Variants in NRG1 observed in about 807,000 individuals in gnomAD.
The protein encoded by NRG1 is neuregulin 1, also known as pro-neuregulin-1, membrane-bound isoform.
Under a neutral mutation model 63.8 loss-of-function variants are expected in NRG1, and 18 were observed. The ratio of observed to expected loss-of-function variants is 0.28; its 90% CI spans 0.19 to 0.42. NRG1 has a LOEUF of 0.42. NRG1 is among the 10% of genes least tolerant of loss of function. The probability of loss-of-function intolerance (pLI) is 1.00; values close to 1 mark genes in which losing one functional copy is unlikely to be tolerated. For missense variants in NRG1, 762 were observed against 814.7 expected, an observed-to-expected ratio of 0.94 and a Z score of 0.79; for synonymous variants, 302 against 301.3, an observed-to-expected ratio of 1.00 and a Z score of -0.02.
At chr8:31,780,482 T>C (rs1445427501) in intron 1 of NRG1, among the ~76,000 whole-genome samples, 1 of 152,210 alleles carries the variant, frequency 6.6e-6, no homozygotes, top group African/African-American at 2.4e-5. Context: ...CCTAGAATTA[T>C]TCACTGACAT....
intron 1 of NRG1, among the ~76,000 whole-genome samples, chr8:32,013,139 G>A (rs1333276533): frequency 6.6e-6 from 1 of 152,086 alleles, no homozygotes; most frequent in Non-Finnish European, 1.5e-5. Flanking sequence ...TCCTGCAGGA[G>A]GACTTGCTGG....
At chr8:32,450,512 C>T (rs1385268506) in intron 1 of NRG1, among the ~76,000 whole-genome samples, 2 of 152,140 alleles carry the variant, frequency 1.3e-5, no homozygotes, top group East Asian at 1.9e-4. Flanking sequence ...AACCCCCAGG[C>T]TCAAACAATC....
intron 1 of NRG1, among the ~76,000 whole-genome samples, chr8:31,751,899 G>C (rs1816512485): frequency 6.6e-6 from 1 of 151,988 alleles, no homozygotes; most frequent in South Asian, 2.1e-4. Flanking sequence ...TCAAAGACCT[G>C]AGTTTTATGA....
chr8:32,749,779 G>T, intron 7 of NRG1: 2 of 615,346 alleles, frequency 3.3e-6, no homozygotes, highest in South Asian at 4.1e-5. Flanking sequence ...AGTGCAGCAG[G>T]TTTTAGATTC....
At chr8:31,693,413 A>C (rs1809731120) in intron 1 of NRG1, among the ~76,000 whole-genome samples, 1 of 152,180 alleles carries the variant, frequency 6.6e-6, no homozygotes, top group Non-Finnish European at 1.5e-5. Context: ...GTTTACAACA[A>C]GGGGACAGAA....
intron 1 of NRG1, among the ~76,000 whole-genome samples, chr8:31,811,474 T>G (rs1281452758): frequency 6.6e-6 from 1 of 152,210 alleles, no homozygotes; most frequent in South Asian, 2.1e-4. Flanking sequence ...AAAATATGAT[T>G]TTTTTCCTGG....
intron 1 of NRG1, among the ~76,000 whole-genome samples, chr8:32,228,485 A>T (rs941730553): frequency 3.9e-5 from 6 of 152,306 alleles, no homozygotes; most frequent in Admixed American, 3.9e-4. Context: ...AGTATAAAAA[A>T]GATGATACCC....
chr8:32,604,322 A>G (rs1844890913), intron 2 of NRG1, among the ~76,000 whole-genome samples: 1 of 152,204 alleles, frequency 6.6e-6, no homozygotes, highest in Non-Finnish European at 1.5e-5. Flanking sequence ...GGGTGGTTCA[A>G]TCGGATAGAC....
intron 1 of NRG1, among the ~76,000 whole-genome samples, chr8:32,094,913 AT>A (rs35516200): frequency 0.32 from 42,821 of 132,928 alleles, 5,926 homozygotes; most frequent in East Asian, 0.45. Context: ...TAATTTCAGC[AT>A]TTTTTTTTTT....
intron 1 of NRG1, among the ~76,000 whole-genome samples, chr8:31,735,489 A>G (rs761098956): frequency 6.6e-6 from 1 of 152,148 alleles, no homozygotes; most frequent in African/African-American, 2.4e-5. Flanking sequence ...TCTGTACAAT[A>G]TGATTATACA....
In NRG1 at chr8:31,732,829, A is replaced by C. The variant is rs182547965; in HGVS notation, c.37+93398A>C. ...AGAATTGCTTGAACCCAGGAGGCAG[A>C]GGTTGCAGTGAGCCGTGATTGCACC... is the stretch of plus-strand genomic sequence containing the variant. On this transcript the variant is annotated intron_variant, in intron 1 of 10. Transcript: ENST00000519301. 2.0e-3 allele frequency among the ~76,000 whole-genome samples: 305 copies of C among 152,288 alleles called. 1 individual carries two copies. Among genetic ancestry groups the C allele is most frequent in the Non-Finnish European group, 3.2e-3 (215 of 68,034 alleles).
chr8:31,868,777 T>G (rs980596059), intron 1 of NRG1, among the ~76,000 whole-genome samples: 2 of 152,182 alleles, frequency 1.3e-5, no homozygotes, highest in African/African-American at 2.4e-5. Flanking sequence ...TGACATTATG[T>G]TCATAAGGGA....
intron 1 of NRG1, among the ~76,000 whole-genome samples, chr8:31,747,773 A>G (rs995203813): frequency 1.3e-5 from 2 of 151,944 alleles, no homozygotes; most frequent in African/African-American, 2.4e-5. Flanking sequence ...TTTAAGATGA[A>G]TCTAGGAATA....
chr8:32,020,868 T>C (rs1816323427), intron 1 of NRG1, among the ~76,000 whole-genome samples: 1 of 152,056 alleles, frequency 6.6e-6, no homozygotes, highest in Admixed American at 6.5e-5. Context: ...ATGTATTGCT[T>C]TAAATTTTAA....
chr8:32,259,928 T>G (rs1174846508), intron 1 of NRG1, among the ~76,000 whole-genome samples: 1 of 152,202 alleles, frequency 6.6e-6, no homozygotes, highest in Non-Finnish European at 1.5e-5. Flanking sequence ...TTTCATTTTC[T>G]TTTCTTTCTA....
chr8:31,759,965 T>A (rs532507686), intron 1 of NRG1, among the ~76,000 whole-genome samples: 1 of 152,304 alleles, frequency 6.6e-6, no homozygotes, highest in East Asian at 1.9e-4. Flanking sequence ...GTCTTTGATA[T>A]TGTAAATTGT....
chr8:32,613,690 GAC>G lies in NRG1; in HGVS notation c.401-820_401-819del, dbSNP rs146706217. ...CATTAAGTCATTTGGCAAGACTTATGACACAGTGAAACTTGAATGATATACAT... is the reference window on the plus strand; with the variant it reads ...CATTAAGTCATTTGGCAAGACTTATGACAGTGAAACTTGAATGATATACAT... On this transcript the variant is annotated intron_variant, in intron 3 of 11. Transcript: ENST00000356819. Among the ~76,000 whole-genome samples the G allele has an allele frequency of 6.9e-3, 1,056 of 152,058 alleles. 13 individuals carry two copies. The highest frequency in any genetic ancestry group is 0.024 in the African/African-American group (986 of 41,520).
intron 1 of NRG1, among the ~76,000 whole-genome samples, chr8:32,105,219 A>G (rs1271795522): frequency 6.6e-6 from 1 of 152,202 alleles, no homozygotes; most frequent in Non-Finnish European, 1.5e-5. Flanking sequence ...ATCAGTGACC[A>G]AAATGTCATT....
chr8:31,714,491 A>G (rs193125555), intron 1 of NRG1, among the ~76,000 whole-genome samples: 161 of 152,106 alleles, frequency 1.1e-3, no homozygotes, highest in African/African-American at 3.6e-3. Flanking sequence ...TCTAGTTTTC[A>G]TTTTTGGTAA....
Sources: gnomAD v4.1 joint callset for allele counts (sites outside exome capture counted in the v4.1 genomes callset) on GRCh38, gnomAD v4.1.1 for gene constraint, MANE v1.5 for transcripts, NCBI Gene and HGNC (gene_info 2026-07-23, HGNC 2026-07-21) for gene names.